ATG16L2: variants seen among roughly 807,000 people sequenced by gnomAD.
The protein encoded by ATG16L2 is protein Atg16l2.
Under a neutral mutation model 84.7 loss-of-function variants are expected in ATG16L2, and 77 were observed. The observed-to-expected ratio is 0.91, with a 90% confidence interval of 0.76 to 1.10. ATG16L2 has a LOEUF of 1.10. ATG16L2 is among the 50% of genes least tolerant of loss of function. The pLI is 0.00. For missense variants in ATG16L2, 782 were observed against 817.6 expected (o/e 0.96, Z 0.53); for synonymous variants, 361 against 342.8 (o/e 1.05, Z -0.59).
intron 14 of ATG16L2, 96 bp from the exon 15 acceptor site, chr11:72,828,263 T>C (rs1328048434): frequency 1.4e-6 from 2 of 1,443,648 alleles, no homozygotes; most frequent in Non-Finnish European, 1.9e-6. Flanking sequence ...TCCTCCGGAC[T>C]TGGTTAGCTA....
intron 14 of ATG16L2, 33 bp from the exon 15 acceptor site, chr11:72,828,326 T>A (rs577942206): frequency 6.2e-7 from 1 of 1,612,996 alleles, no homozygotes; most frequent in Non-Finnish European, 8.5e-7. Flanking sequence ...GGCTAGGCTG[T>A]TCCTCATCCC....
downstream of ATG16L2, among the ~76,000 whole-genome samples, chr11:72,831,624 C>CCCAGCAG (rs1217442119): frequency 3.9e-5 from 6 of 152,226 alleles, no homozygotes; most frequent in Non-Finnish European, 7.4e-5. Context: ...TGCCCTGGCT[C>CCCAGCAG]CCAGCAGCCA....
At chr11:72,828,545 C>A in intron 15 of ATG16L2, 37 bp downstream of exon 15, 1 of 1,612,768 alleles carries the variant, frequency 6.2e-7, no homozygotes, top group Non-Finnish European at 8.5e-7. Context: ...GTGGCCTTTG[C>A]TGGGACAGCT....
In ATG16L2 at chr11:72,824,083, C is replaced by G. The variant is rs139269726; in HGVS notation, c.848C>G (p.Thr283Arg). 2 of 1,614,234 alleles carry G rather than the reference C, an allele frequency of 1.2e-6. No individual in the cohort carries two copies. The highest frequency in any genetic ancestry group is 1.7e-6 in the Non-Finnish European group (2 of 1,180,024). Residue 283 changes from threonine (T) to arginine (R), a missense_variant, in exon 8 of 18, where the codon ACG becomes AGG. By Grantham distance (71) the Thr-to-Arg change is moderately conservative (BLOSUM62 -1). Coordinates refer to ENST00000321297, the MANE Select transcript of ATG16L2 (RefSeq NM_033388.2). ...PFRSASATSL[T>R]LSHCVDVVKG... ...AGGTCTGCCTCAGCCACCTCCCTGACGCTGTCCCACTGTGTGGATGTGGTG... is the reference window on the plus strand; with the variant it reads ...AGGTCTGCCTCAGCCACCTCCCTGAGGCTGTCCCACTGTGTGGATGTGGTG...
At chr11:72,821,320 G>T (rs904187793) in intron 3 of ATG16L2, 1 of 1,074,142 alleles carries the variant, frequency 9.3e-7, no homozygotes, top group Non-Finnish European at 1.1e-6. Flanking sequence ...AGGAGTCCTC[G>T]CAGTGGTTAT....
intron 5 of ATG16L2, chr11:72,838,620 G>A (rs988959786): frequency 3.7e-5 from 22 of 596,972 alleles, no homozygotes; most frequent in African/African-American, 1.7e-4. Flanking sequence ...AAAAAGGCAC[G>A]AAATATTCAA....
At chr11:72,843,138 T>A (rs568508727) in exon 6 of ATG16L2, 1 of 1,613,334 alleles carries the variant, frequency 6.2e-7, no homozygotes, top group East Asian at 2.2e-5. Flanking sequence ...GAGTGCCTTG[T>A]TTCAGTCTTT....
At chr11:72,830,447 C>T (rs1860581161), downstream of ATG16L2, among the ~76,000 whole-genome samples, 1 of 152,168 alleles carries the variant, frequency 6.6e-6, no homozygotes, top group Non-Finnish European at 1.5e-5. Flanking sequence ...CTGCAGTCTC[C>T]CCATCCAATC....
At chr11:72,838,973 A>G in intron 5 of ATG16L2, 1 of 992,844 alleles carries the variant, frequency 1.0e-6, no homozygotes, top group Non-Finnish European at 1.5e-6. Context: ...GGACATGGGC[A>G]CCCTAGGGGT....
In ATG16L2 at chr11:72,827,139, T is replaced by C. The variant is rs749339794; in HGVS notation, c.1367-49T>C. On this transcript the variant is annotated intron_variant, in intron 13 of 17. Transcript: ENST00000321297. Reference sequence around the variant, plus strand: ...TTCTCCATATGTCCTGTGGGGTGGCTCCCGACAACCCTCCTCTGAGGCCCT... The same window carrying C: ...TTCTCCATATGTCCTGTGGGGTGGCCCCCGACAACCCTCCTCTGAGGCCCT... 8 of 1,460,772 alleles carry C rather than the reference T, an allele frequency of 5.5e-6. No homozygotes were observed. In the Admixed American group the frequency reaches 1.2e-4, roughly 22 times the overall value. 90.5% of individuals were successfully genotyped at this position (1,460,772 alleles called of 1,614,324 possible).
intron 8 of ATG16L2, 166 bp downstream of exon 8, chr11:72,824,288 C>T (rs1023408247): frequency 7.5e-5 from 57 of 761,982 alleles, no homozygotes; most frequent in Middle Eastern, 3.7e-4. Flanking sequence ...GCCTCAGCCC[C>T]GGCCCCGGTT....
At chr11:72,841,153 A>AT (rs1860918101) in intron 5 of ATG16L2, among the ~76,000 whole-genome samples, 1 of 151,736 alleles carries the variant, frequency 6.6e-6, no homozygotes, top group Non-Finnish European at 1.5e-5. Context: ...GGGTGACAGA[A>AT]TAATACCCTT....
At chr11:72,818,483 CCTT>C (rs1383374733) in intron 3 of ATG16L2, 1 of 152,308 alleles carries the variant, frequency 6.6e-6, no homozygotes, top group African/African-American at 2.4e-5. Context: ...TCTAGCCGAG[CCTT>C]CTTTTCTGAG....
intron 11 of ATG16L2, 38 bp from the exon 12 acceptor site, chr11:72,826,480 C>T (rs199588445): frequency 1.4e-5 from 22 of 1,612,042 alleles, no homozygotes; most frequent in African/African-American, 5.3e-5. Context: ...ATGTTGCCTC[C>T]GGCTTAGCAC....
At chr11:72,839,523 G>A (rs1325723157) in intron 5 of ATG16L2, among the ~76,000 whole-genome samples, 1 of 152,160 alleles carries the variant, frequency 6.6e-6, no homozygotes, top group Non-Finnish European at 1.5e-5. Flanking sequence ...GGCAGTAGGG[G>A]AAGTAGAGAA....
chr11:72,826,384 G>T, intron 11 of ATG16L2, 134 bp from the exon 12 acceptor site: 1 of 1,425,260 alleles, frequency 7.0e-7, no homozygotes, highest in Non-Finnish European at 9.6e-7. Context: ...CCTCCTCCTT[G>T]GGCCGGAGGC....
intron 11 of ATG16L2, 55 bp from the exon 12 acceptor site, chr11:72,826,463 C>A: frequency 6.2e-7 from 1 of 1,606,430 alleles, no homozygotes; most frequent in Non-Finnish European, 8.5e-7. Flanking sequence ...ATTCTGTGGC[C>A]CGAAGAATGT....
rs1264216559 is a variant in ATG16L2 at position 72,816,831 on chromosome 11, AGT to A, written c.218+7_218+8del. The A allele has an allele frequency of 6.2e-7, 1 of 1,612,690 alleles. No individual in the cohort carries two copies. The highest frequency in any genetic ancestry group is 2.2e-5 in the East Asian group (1 of 44,864). On this transcript the variant is annotated splice_donor_5th_base_variant and intron_variant, in intron 2 of 17. Coordinates refer to ENST00000321297, the MANE Select transcript of ATG16L2 (RefSeq NM_033388.2). ...CCACCACCCACCAGGGCCCCTGGTA[AGT>A]GTATGTGGGTCCGTGGTCACAAAGG...
chr11:72,827,203 A>G lies in ATG16L2; in HGVS notation c.1382A>G (p.Asn461Ser), dbSNP rs534527439. 10 of 1,613,880 alleles carry G rather than the reference A, an allele frequency of 6.2e-6. No individual in the cohort carries two copies. The highest frequency in any genetic ancestry group is 2.2e-5 in the South Asian group (2 of 91,070). Residue 461 changes from asparagine (N) to serine (S), a missense_variant, in exon 14 of 18, where the codon AAT becomes AGT. Coordinates refer to ENST00000321297, the MANE Select transcript of ATG16L2 (RefSeq NM_033388.2). ...TGGTCCCCAGGCTCCAGGACCATCA[A>G]TGTCCTTTCCTACTGTAATGACGTG... ...LGRAYCSRTINVLSYCNDVVC... is the reference protein window; with the variant it reads ...LGRAYCSRTISVLSYCNDVVC...
Sources: allele counts gnomAD v4.1 joint callset (sites outside exome capture counted in the v4.1 genomes callset), GRCh38; gene constraint gnomAD v4.1.1; transcripts MANE v1.5; gene names NCBI Gene and HGNC (gene_info 2026-07-23, HGNC 2026-07-21).